GARNL3: variants seen among roughly 807,000 people sequenced by gnomAD.
GARNL3 encodes GTPase-activating Rap/Ran-GAP domain-like protein 3.
A neutral mutation model predicts 125.0 loss-of-function variants in GARNL3; 63 were observed. The ratio of observed to expected loss-of-function variants is 0.50; its 90% CI spans 0.41 to 0.62. The LOEUF is 0.62. Ranked by LOEUF, GARNL3 falls within the 20% of genes least tolerant of loss-of-function variation. The pLI is 0.00. For synonymous variants in GARNL3, 439 were observed against 457.5 expected, an observed-to-expected ratio of 0.96 and a Z score of 0.52; for missense variants, 994 against 1,244.0, an observed-to-expected ratio of 0.80 and a Z score of 3.02.
At chr9:127,365,404 A>G (rs1831230391) in intron 22 of GARNL3, 38 bp downstream of exon 22, 7 of 1,484,266 alleles carry the variant, frequency 4.7e-6, no homozygotes, top group Non-Finnish European at 6.5e-6. Flanking sequence ...ATTTGCTTAA[A>G]TGGACTGCTT....
At chr9:127,272,051 TTG>T (rs2063836207) in intron 1 of GARNL3, among the ~76,000 whole-genome samples, 1 of 150,228 alleles carries the variant, frequency 6.7e-6, no homozygotes, top group Non-Finnish European at 1.5e-5. Context: ...AAAAGAACGG[TTG>T]ATGATGAACT....
intron 11 of GARNL3, 141 bp from the exon 12 acceptor site, chr9:127,337,975 T>A: frequency 1.5e-6 from 1 of 688,592 alleles, no homozygotes; most frequent in Non-Finnish European, 2.6e-6. Flanking sequence ...GAAGTATGGG[T>A]TCTGTCCCAA....
At chr9:127,377,214 A>G (rs1831965950) in intron 22 of GARNL3, among the ~76,000 whole-genome samples, 1 of 152,236 alleles carries the variant, frequency 6.6e-6, no homozygotes, top group Admixed American at 6.5e-5. Context: ...AAGCCACTCA[A>G]TACAACAGAA....
At chr9:127,323,776 C>T (rs2131527856) in intron 6 of GARNL3, among the ~76,000 whole-genome samples, 1 of 151,968 alleles carries the variant, frequency 6.6e-6, no homozygotes, top group African/African-American at 2.4e-5. Flanking sequence ...TATATATATA[C>T]ACCTACTGAT....
At chr9:127,329,633 T>TGATCA (rs375715671) in intron 7 of GARNL3, among the ~76,000 whole-genome samples, 294 of 152,136 alleles carry the variant, frequency 1.9e-3, no homozygotes, top group African/African-American at 6.8e-3. Flanking sequence ...CATTGGCCAG[T>TGATCA]GATCAGGTGG....
In GARNL3 at chr9:127,392,028, G is replaced by GGGTTC. The variant is rs1341281257; in HGVS notation, c.2871-1054_2871-1050dup. Among the ~76,000 whole-genome samples, 1 of 152,162 alleles carries GGGTTC rather than the reference G, an allele frequency of 6.6e-6. No homozygotes were observed. The highest frequency in any genetic ancestry group is 1.5e-5 in the Non-Finnish European group (1 of 68,040). ...CTAAGCCCCCACCTGTGCCTTCAAGGGGTTCCCAGGCCAGTGGCAAAGACC... is the reference window on the plus strand; with the variant it reads ...CTAAGCCCCCACCTGTGCCTTCAAGGGGTTCGGTTCCCAGGCCAGTGGCAAAGACC... On this transcript the variant is annotated intron_variant, in intron 27 of 27. Coordinates refer to ENST00000373387, the MANE Select transcript of GARNL3 (RefSeq NM_032293.5). The surrounding 1 kb of genome is among the most constrained non-coding windows in gnomAD (Gnocchi z 5.2).
chr9:127,335,718 AC>A, intron 10 of GARNL3, among the ~76,000 whole-genome samples: 1 of 151,984 alleles, frequency 6.6e-6, no homozygotes, highest in Non-Finnish European at 1.5e-5. Context: ...TATAGGTGTT[AC>A]CTTTTCTCTG....
intron 1 of GARNL3, among the ~76,000 whole-genome samples, chr9:127,228,690 A>G (rs899736645): frequency 6.6e-6 from 1 of 152,346 alleles, no homozygotes; most frequent in Non-Finnish European, 1.5e-5. Flanking sequence ...GTTTAGGTCA[A>G]ATATATAGCA....
chr9:127,347,502 G>A (rs2131632610), intron 16 of GARNL3, among the ~76,000 whole-genome samples: 1 of 152,154 alleles, frequency 6.6e-6, no homozygotes, highest in East Asian at 1.9e-4. Context: ...AGACCTCCTT[G>A]AGACCTCTGT....
intron 21 of GARNL3, among the ~76,000 whole-genome samples, chr9:127,361,209 A>G (rs957470830): frequency 1.5e-4 from 23 of 152,108 alleles, no homozygotes; most frequent in African/African-American, 5.3e-4. Context: ...ACCACCATAC[A>G]TTATTTGTTA....
In GARNL3 at chr9:127,385,028, C is replaced by G. The variant is rs1340427671; in HGVS notation, c.2271C>G (p.Val757=). 6.2e-7 allele frequency: 1 copy of G among 1,601,438 alleles called. No homozygotes were observed. The highest frequency in any genetic ancestry group is 8.5e-7 in the Non-Finnish European group (1 of 1,171,408). The change falls in exon 24 of 28, where the codon GTC becomes GTG. Residue 757 remains valine, a splice_region_variant and synonymous_variant. Transcript: ENST00000373387. The surrounding 1 kb of genome is among the most constrained non-coding windows in gnomAD (Gnocchi z 4.1). The part of the protein sequence containing the change: ...FCWNQAPYAI[V]CAFPYLLAFT... ...GGTGACACTCCCGTTCCCTTGCAGT[C>G]TGTGCTTTCCCGTATCTCCTGGCCT...
chr9:127,302,427 T>A (rs745466658), intron 2 of GARNL3, among the ~76,000 whole-genome samples: 1 of 152,162 alleles, frequency 6.6e-6, no homozygotes, highest in Non-Finnish European at 1.5e-5. Flanking sequence ...GTAGAGGAAT[T>A]ATCATGTAAA....
intron 22 of GARNL3, among the ~76,000 whole-genome samples, chr9:127,379,449 CAG>C (rs1309347061): frequency 6.6e-6 from 1 of 152,186 alleles, no homozygotes; most frequent in African/African-American, 2.4e-5. Context: ...CTGAGACTGT[CAG>C]AGTCATGGAT....
chr9:127,248,596 C>T (rs373079785), intron 2 of GARNL3, among the ~76,000 whole-genome samples: 129 of 74,384 alleles, frequency 1.7e-3, no homozygotes, highest in South Asian at 2.3e-3. Flanking sequence ...TTTTTCTTTT[C>T]TTTTTTTTTT....
At chr9:127,359,434 G>A (rs1830863613) in intron 21 of GARNL3, among the ~76,000 whole-genome samples, 1 of 152,002 alleles carries the variant, frequency 6.6e-6, no homozygotes, top group Admixed American at 6.6e-5. Flanking sequence ...AGGTTGCAGT[G>A]AGCCAAGATC....
Position 127,299,754 on chromosome 9 carries a change from A to G in GARNL3, c.219+8512A>G, listed in dbSNP as rs1019362245. Among the ~76,000 whole-genome samples, 10 of 152,140 alleles carry G rather than the reference A, an allele frequency of 6.6e-5. No homozygotes were observed. In the South Asian group the frequency reaches 1.5e-3, roughly 22 times the overall value. On this transcript the variant is annotated intron_variant, in intron 2 of 27. Transcript: ENST00000373387. The stretch of plus-strand genomic sequence containing the variant: ...CCTGGCTAATTTTTGTATTCTTAGT[A>G]GAGACCGGTTTCACCATAGCCAGAA...
rs117865110 is a variant in GARNL3, at chr9:127,325,271, A to T, written c.594+176A>T. On this transcript the variant is annotated intron_variant, in intron 7 of 27. Coordinates refer to ENST00000373387, the MANE Select transcript of GARNL3 (RefSeq NM_032293.5). ...CATGTATTTTTAAGGTATATTTTAG[A>T]ATTTTCTATGCATCTAGCTATAAAG... Among the ~76,000 whole-genome samples, 58 of 152,326 alleles carry T rather than the reference A, an allele frequency of 3.8e-4. No individual in the cohort carries two copies. In the East Asian group the frequency reaches 6.7e-3, roughly 18 times the overall value.
rs149533435 is a variant in GARNL3, at chr9:127,325,132, C to T, written c.594+37C>T. 138 of 1,589,880 alleles carry T rather than the reference C, an allele frequency of 8.7e-5. No homozygotes were observed. In the East Asian group the frequency reaches 2.8e-3, roughly 33 times the overall value. On this transcript the variant is annotated intron_variant, in intron 7 of 27. Transcript: ENST00000373387. ...TATGGAGATATTTGCACCTGCTCTG[C>T]CTCCATGTTTGTAAATATATTTCTC...
chr9:127,336,845 C>G (rs1318962615), intron 11 of GARNL3, among the ~76,000 whole-genome samples: 1 of 152,202 alleles, frequency 6.6e-6, no homozygotes, highest in Non-Finnish European at 1.5e-5. Context: ...TCAGTTGTGG[C>G]CCTGTTGCTC....
Sources: gnomAD v4.1 joint callset for allele counts (sites outside exome capture counted in the v4.1 genomes callset) on GRCh38, gnomAD v4.1.1 for gene constraint, Gnocchi (gnomAD v3.1) non-coding constraint, MANE v1.5 for transcripts, NCBI Gene and HGNC (gene_info 2026-07-23, HGNC 2026-07-21) for gene names.